RAB27A: variants seen among roughly 807,000 people sequenced by gnomAD.
RAB27A encodes the protein RAB27A, member RAS oncogene family, also known as ras-related protein Rab-27A.
A neutral mutation model predicts 20.8 loss-of-function variants in RAB27A; 17 were observed. The observed-to-expected ratio is 0.82, with a 90% CI of 0.56 to 1.23. RAB27A has a LOEUF of 1.23. Ranked by LOEUF, RAB27A falls within the 50% of genes most tolerant of loss-of-function variation. The pLI is 0.00. For missense variants in RAB27A, 277 were observed against 266.7 expected, an observed-to-expected ratio of 1.04 and a Z score of -0.27; for synonymous variants, 85 against 92.8, an observed-to-expected ratio of 0.92 and a Z score of 0.48.
chr15:55,269,094 C>T (rs559019530), intron 2 of RAB27A, among the ~76,000 whole-genome samples: 18 of 152,294 alleles, frequency 1.2e-4, no homozygotes, highest in African/African-American at 3.4e-4. Flanking sequence ...GGACCAACCC[C>T]GCTGACATCT....
chr15:55,217,120 T>G (rs993016644), intron 6 of RAB27A, among the ~76,000 whole-genome samples: 2 of 152,208 alleles, frequency 1.3e-5, no homozygotes, highest in South Asian at 4.1e-4. Flanking sequence ...AAGTATACTT[T>G]CTTGCCATTT....
At chr15:55,300,287 G>A (rs930282061) in intron 2 of RAB27A, among the ~76,000 whole-genome samples, 7 of 152,150 alleles carry the variant, frequency 4.6e-5, no homozygotes, top group Non-Finnish European at 1.0e-4. Flanking sequence ...TACATAGACT[G>A]TCATGGGAAG....
intron 1 of RAB27A, among the ~76,000 whole-genome samples, chr15:55,275,491 G>T (rs1280488364): frequency 6.6e-6 from 1 of 151,484 alleles, no homozygotes; most frequent in Non-Finnish European, 1.5e-5. Flanking sequence ...GCTGGGCACG[G>T]TGGTGGGCAC....
In RAB27A at chr15:55,270,433, G is replaced by A. The variant is rs549351553; in HGVS notation, c.-142-149C>T. ...ACAATCCAGCTAATTAGTCTCAGCTGTTTGTCATATGGCACTGCAGACCAG... is the reference window on the plus strand; with the variant it reads ...ACAATCCAGCTAATTAGTCTCAGCTATTTGTCATATGGCACTGCAGACCAG... On this transcript the variant is annotated intron_variant, in intron 1 of 6. Coordinates refer to ENST00000336787, the MANE Select transcript of RAB27A (RefSeq NM_183235.3). 3 of 152,286 alleles carry A rather than the reference G, an allele frequency of 2.0e-5. No homozygotes were observed. The East Asian group carries it at 5.8e-4, about 29-fold the overall frequency. 9.4% of individuals were successfully genotyped at this position (152,286 alleles called of 1,614,324 possible). A position where few individuals can be genotyped will look rare whatever the true frequency, so the allele number is the denominator to read the frequency against.
chr15:55,275,909 A>C (rs1420334674), intron 1 of RAB27A, among the ~76,000 whole-genome samples: 2 of 111,272 alleles, frequency 1.8e-5, no homozygotes, highest in African/African-American at 6.9e-5. Context: ...ATCTGCTAGG[A>C]TGGCTAATTA....
chr15:55,252,810 A>G (rs961012160), intron 2 of RAB27A, among the ~76,000 whole-genome samples: 26 of 152,134 alleles, frequency 1.7e-4, no homozygotes, highest in African/African-American at 5.1e-4. Flanking sequence ...TATTCAATCA[A>G]CTTGCTTTCC....
At chr15:55,239,728 G>C (rs750861322) in intron 2 of RAB27A, among the ~76,000 whole-genome samples, 1 of 152,130 alleles carries the variant, frequency 6.6e-6, no homozygotes, top group Non-Finnish European at 1.5e-5. Flanking sequence ...TCTAGAGTTT[G>C]TTCAAAACTG....
Position 55,206,343 on chromosome 15 carries a change from G to A in RAB27A, c.468-638C>T, listed in dbSNP as rs994996505. 1.2e-4 allele frequency: 87 copies of A among 755,386 alleles called. No homozygotes were observed. The Middle Eastern group carries it at 2.7e-3, about 23-fold the overall frequency. 46.8% of individuals were successfully genotyped at this position (755,386 alleles called of 1,614,324 possible). On this transcript the variant is annotated intron_variant, in intron 6 of 6. Coordinates refer to ENST00000336787, the MANE Select transcript of RAB27A (RefSeq NM_183235.3). ...CAGAGACAGAATTAAATCTTTTTTCGTTTAAGTTTTTGGAGGGTTTTTTGT... is the reference window on the plus strand; with the variant it reads ...CAGAGACAGAATTAAATCTTTTTTCATTTAAGTTTTTGGAGGGTTTTTTGT...
chr15:55,214,634 C>T (rs1357841325), intron 6 of RAB27A, among the ~76,000 whole-genome samples: 2 of 152,148 alleles, frequency 1.3e-5, no homozygotes, highest in Non-Finnish European at 2.9e-5. Flanking sequence ...ATGGTCTTCG[C>T]AGTTTTTAAA....
intron 2 of RAB27A, among the ~76,000 whole-genome samples, chr15:55,309,079 G>C (rs909400929): frequency 2.0e-5 from 3 of 152,080 alleles, no homozygotes; most frequent in African/African-American, 7.2e-5. Context: ...CCTTCTTTAG[G>C]GCCTGGAAAG....
At chr15:55,214,683 C>T (rs1895198995) in intron 6 of RAB27A, among the ~76,000 whole-genome samples, 1 of 152,080 alleles carries the variant, frequency 6.6e-6, no homozygotes, top group South Asian at 2.1e-4. Flanking sequence ...ATCTTTTTTC[C>T]TCCATCTATC....
intron 5 of RAB27A, among the ~76,000 whole-genome samples, chr15:55,224,835 T>G (rs16976187): frequency 0.044 from 6,694 of 152,124 alleles, 172 homozygotes; most frequent in African/African-American, 0.061. Context: ...GCCTAATTTA[T>G]TTTTTCATCA....
At chr15:55,252,871 A>G (rs913927205) in intron 2 of RAB27A, among the ~76,000 whole-genome samples, 4 of 151,538 alleles carry the variant, frequency 2.6e-5, no homozygotes, top group Non-Finnish European at 5.9e-5. Flanking sequence ...GCGGTGGCTC[A>G]CACCTGTAAT....
At chr15:55,280,390 AGAGCAG>A (rs1184010888) in intron 1 of RAB27A, among the ~76,000 whole-genome samples, 1 of 152,000 alleles carries the variant, frequency 6.6e-6, no homozygotes, top group Non-Finnish European at 1.5e-5. Context: ...AACAATCACT[AGAGCAG>A]TATTTAAAAT....
At chr15:55,303,261 G>C (rs2054982052) in intron 2 of RAB27A, among the ~76,000 whole-genome samples, 1 of 109,352 alleles carries the variant, frequency 9.1e-6, no homozygotes, top group East Asian at 4.2e-4. Context: ...AGGGAGGTGG[G>C]GGGGTCAGCC....
upstream of RAB27A, among the ~76,000 whole-genome samples, chr15:55,293,744 C>G (rs1652658958): frequency 6.6e-6 from 1 of 152,022 alleles, no homozygotes; most frequent in Non-Finnish European, 1.5e-5. Context: ...TTGGCGAAAC[C>G]CGTCTCTACT....
intron 1 of RAB27A, among the ~76,000 whole-genome samples, chr15:55,281,459 C>A (rs2141120829): frequency 6.6e-6 from 1 of 152,298 alleles, no homozygotes; most frequent in African/African-American, 2.4e-5. Context: ...TGCCTGTAAT[C>A]TCAGCACTTT....
intron 1 of RAB27A, among the ~76,000 whole-genome samples, chr15:55,315,279 T>C (rs2055037949): frequency 6.6e-6 from 1 of 152,090 alleles, no homozygotes; most frequent in African/African-American, 2.4e-5. Context: ...ACTAATAACT[T>C]AAATGGAAAA....
chr15:55,227,085 A>G (rs1017664708), intron 5 of RAB27A, among the ~76,000 whole-genome samples: 6 of 152,190 alleles, frequency 3.9e-5, no homozygotes, highest in African/African-American at 1.2e-4. Context: ...TTCAATACGT[A>G]TAAGTGTTCT....
Sources: gnomAD v4.1 joint callset for allele counts (sites outside exome capture counted in the v4.1 genomes callset) on GRCh38, gnomAD v4.1.1 for gene constraint, MANE v1.5 for transcripts, NCBI Gene and HGNC (gene_info 2026-07-23, HGNC 2026-07-21) for gene names.